The following MGAT5 variants were observed in gnomAD, a reference collection of about 807,000 sequenced individuals.
The protein encoded by MGAT5 is alpha-1,6-mannosylglycoprotein 6-beta-N-acetylglucosaminyltransferase.
MGAT5 carries 30 observed loss-of-function variants against 94.3 expected under a neutral mutation model. The ratio of observed to expected loss-of-function variants is 0.32; its 90% CI spans 0.24 to 0.43. The LOEUF is 0.43. MGAT5 is among the 20% of genes least tolerant of loss of function. The pLI is 1.00. For synonymous variants in MGAT5, 310 were observed against 322.9 expected, an observed-to-expected ratio of 0.96 and a Z score of 0.43; for missense variants, 691 against 905.5, an observed-to-expected ratio of 0.76 and a Z score of 3.04.
intron 4 of MGAT5, among the ~76,000 whole-genome samples, chr2:134,325,411 A>G (rs540523532): frequency 6.6e-5 from 10 of 152,246 alleles, no homozygotes; most frequent in African/African-American, 2.4e-4. Flanking sequence ...AGCATGTACT[A>G]CAAAAGAGTT....
chr2:134,270,511 G>T lies in MGAT5; in HGVS notation c.367G>T (p.Val123Phe). ...GTNSTNSTTAVPSLVALEKIN... is the reference protein window; with the variant it reads ...GTNSTNSTTAFPSLVALEKIN... ...AAACTCAACCAACTCCACTACAGCT[G>T]TTCCCAGCTTGGTTGCACTTGAGAA... The change falls in exon 2 of 16, where the codon GTT (valine) becomes TTT (phenylalanine). Residue 123 changes from valine to phenylalanine, a missense_variant. Physicochemically the swap from Val to Phe is conservative, Grantham distance 50 (BLOSUM62 -1). Coordinates refer to ENST00000281923, the MANE Select transcript of MGAT5 (RefSeq NM_002410.5). The T allele has an allele frequency of 2.5e-6, 4 of 1,614,174 alleles. No homozygotes were observed. Among genetic ancestry groups the T allele is most frequent in the Non-Finnish European group, 3.4e-6 (4 of 1,180,020 alleles).
chr2:134,253,505 A>G (rs1458202488), upstream of MGAT5, among the ~76,000 whole-genome samples: 1 of 152,084 alleles, frequency 6.6e-6, no homozygotes, highest in Non-Finnish European at 1.5e-5. Context: ...TTAATGTCTC[A>G]TTTTGCCTCA....
At position 134,254,307 on chromosome 2, in the gene MGAT5, G is replaced by C; in HGVS notation, c.-97G>C. Reference sequence around the variant, plus strand: ...GCAACCAGCTGACACAGGAGCCAGAGTGAGACCAGCAGACTCTCACACTCA... The same window carrying C: ...GCAACCAGCTGACACAGGAGCCAGACTGAGACCAGCAGACTCTCACACTCA... On this transcript the variant is annotated 5_prime_UTR_variant, in exon 1 of 16. Transcript: ENST00000281923. The C allele has an allele frequency of 1.3e-6, 2 of 1,481,794 alleles. No homozygotes were observed. The highest frequency in any genetic ancestry group is 1.4e-5 in the African/African-American group (1 of 71,682). The allele number at this position is 1,481,794 out of a possible 1,614,324, so 91.8% of individuals were successfully genotyped here. A position where few individuals can be genotyped will look rare whatever the true frequency, so the allele number is the denominator to read the frequency against.
At chr2:134,168,828 T>C (rs1314104472) in intron 1 of MGAT5, among the ~76,000 whole-genome samples, 1 of 152,120 alleles carries the variant, frequency 6.6e-6, no homozygotes, top group Non-Finnish European at 1.5e-5. Context: ...GGGAAATCCG[T>C]GGTTGTTTTT....
intron 2 of MGAT5, among the ~76,000 whole-genome samples, chr2:134,308,047 C>G (rs1470547): frequency 0.72 from 109,599 of 152,112 alleles, 40,824 homozygotes; most frequent in South Asian, 0.86. Flanking sequence ...ACTTAATCTG[C>G]CTGGGCCTCA....
intron 1 of MGAT5, among the ~76,000 whole-genome samples, chr2:134,150,459 A>T (rs1687121703): frequency 6.6e-6 from 1 of 152,194 alleles, no homozygotes; most frequent in Non-Finnish European, 1.5e-5. Context: ...CATGACACCA[A>T]GCAAGGAGAT....
intron 1 of MGAT5, among the ~76,000 whole-genome samples, chr2:134,241,546 A>G (rs545724513): frequency 3.3e-5 from 5 of 152,352 alleles, no homozygotes; most frequent in African/African-American, 9.6e-5. Flanking sequence ...TTTTACCGAC[A>G]TAATTAAGTT....
In MGAT5 at chr2:134,330,554, A is replaced by AGTGTGTGTGTGTGTGTGTGTGTGT. The variant is rs34688054; in HGVS notation, c.574-5656_574-5633dup. 3.6e-3 allele frequency among the ~76,000 whole-genome samples: 539 copies of AGTGTGTGTGTGTGTGTGTGTGTGT among 148,578 alleles called. 4 individuals carry two copies. The highest frequency in any genetic ancestry group is 5.7e-3 in the African/African-American group (223 of 39,270). On this transcript the variant is annotated intron_variant, in intron 4 of 15. Coordinates refer to ENST00000281923, the MANE Select transcript of MGAT5 (RefSeq NM_002410.5). ...GGCCCTATGGGGAATTAAATTGTGT[A>AGTGTGTGTGTGTGTGTGTGTGTGT]GTGTGTGTGTGTGTGTGTGTGTGTG...
intron 2 of MGAT5, among the ~76,000 whole-genome samples, chr2:134,313,185 C>T (rs1461244734): frequency 2.6e-5 from 4 of 151,844 alleles, no homozygotes; most frequent in African/African-American, 4.8e-5. Flanking sequence ...TCTCTCGATA[C>T]GTGTGTGTCT....
intron 1 of MGAT5, among the ~76,000 whole-genome samples, chr2:134,161,111 T>G (rs1687711013): frequency 6.6e-6 from 1 of 152,232 alleles, no homozygotes; most frequent in African/African-American, 2.4e-5. Flanking sequence ...TGCCAGTGGT[T>G]GTGCGTTTGC....
chr2:134,438,903 G>A (rs1190304025), intron 14 of MGAT5, among the ~76,000 whole-genome samples: 1 of 152,120 alleles, frequency 6.6e-6, no homozygotes, highest in East Asian at 1.9e-4. Flanking sequence ...AGACCTTCCT[G>A]GAATTCTATT....
chr2:134,173,912 T>G (rs1688339387), intron 1 of MGAT5, among the ~76,000 whole-genome samples: 1 of 152,254 alleles, frequency 6.6e-6, no homozygotes, highest in South Asian at 2.1e-4. Flanking sequence ...AGGAAATAGT[T>G]GGATCATCCT....
chr2:134,350,026 C>A, intron 9 of MGAT5, 88 bp downstream of exon 9: 2 of 1,452,514 alleles, frequency 1.4e-6, no homozygotes, highest in Non-Finnish European at 1.9e-6. Context: ...GGTTATGATT[C>A]TCAGGACCAT....
intron 10 of MGAT5, among the ~76,000 whole-genome samples, chr2:134,387,334 T>TATATATATA (rs1682093771): frequency 7.1e-5 from 2 of 28,008 alleles, no homozygotes; most frequent in South Asian, 1.5e-3. Flanking sequence ...ATATATATAT[T>TATATATATA]TTTTTTTTTT....
At chr2:134,416,771 T>TG (rs1417080473) in intron 12 of MGAT5, among the ~76,000 whole-genome samples, 1 of 122,564 alleles carries the variant, frequency 8.2e-6, no homozygotes, top group Non-Finnish European at 1.6e-5. Flanking sequence ...ATTAATTTTT[T>TG]TTTTTTTTTT....
chr2:134,215,322 A>T (rs1422014698), intron 1 of MGAT5, among the ~76,000 whole-genome samples: 3 of 152,222 alleles, frequency 2.0e-5, no homozygotes, highest in Non-Finnish European at 4.4e-5. Flanking sequence ...GTGTTGCTAT[A>T]ATACAACACC....
intron 4 of MGAT5, among the ~76,000 whole-genome samples, chr2:134,331,366 G>T (rs1032101397): frequency 6.6e-6 from 1 of 152,034 alleles, no homozygotes; most frequent in Non-Finnish European, 1.5e-5. Flanking sequence ...TCATTTTGTG[G>T]CCTGAGGCTA....
chr2:134,156,944 G>A lies in MGAT5; in HGVS notation c.-143+36653G>A, dbSNP rs540600088. Among the ~76,000 whole-genome samples, 98 of 152,242 alleles carry A rather than the reference G, an allele frequency of 6.4e-4. 1 individual carries two copies. The highest frequency in any genetic ancestry group is 2.2e-3 in the African/African-American group (93 of 41,540). ...AGCTCGCTTCTTGTCAGGGTTTCTC[G>A]TTCTATAAATTGGGAATGATGATAT... On this transcript the variant is annotated intron_variant, in intron 1 of 16. Coordinates refer to the MGAT5 transcript ENST00000409645.
chr2:134,121,066 C>G (rs935046421), intron 1 of MGAT5, among the ~76,000 whole-genome samples: 1 of 152,208 alleles, frequency 6.6e-6, no homozygotes, highest in East Asian at 1.9e-4. Flanking sequence ...GGCCCACTCC[C>G]GGCCCTCAGC....
Sources: gnomAD v4.1 joint callset for allele counts (sites outside exome capture counted in the v4.1 genomes callset) on GRCh38, gnomAD v4.1.1 for gene constraint, MANE v1.5 for transcripts, NCBI Gene and HGNC (gene_info 2026-07-23, HGNC 2026-07-21) for gene names.